FIG4: variants seen among roughly 807,000 people sequenced by gnomAD.
FIG4 encodes FIG4 phosphoinositide 5-phosphatase, also known as polyphosphoinositide phosphatase.
Under a neutral mutation model 118.6 loss-of-function variants are expected in FIG4, and 112 were observed. That is an observed-to-expected ratio of 0.94 (90% CI 0.81 to 1.11). The LOEUF is 1.11. Among genes scored for constraint, FIG4 ranks in the 50% least tolerant of loss-of-function variants. The pLI, the probability that FIG4 is intolerant of heterozygous loss-of-function variation, is 0.00. For synonymous variants in FIG4, 369 were observed against 381.2 expected, an observed-to-expected ratio of 0.97 and a Z score of 0.37; for missense variants, 969 against 1,111.7, an observed-to-expected ratio of 0.87 and a Z score of 1.83.
intron 7 of FIG4, 62 bp downstream of exon 7, chr6:109,738,515 GA>G: frequency 1.4e-6 from 2 of 1,443,710 alleles, no homozygotes; most frequent in Middle Eastern, 1.9e-4. Flanking sequence ...TCAATTTGTA[GA>G]CAGCTACATA....
At chr6:109,728,951 A>T (rs921830664) in intron 4 of FIG4, among the ~76,000 whole-genome samples, 1 of 152,158 alleles carries the variant, frequency 6.6e-6, no homozygotes, top group Non-Finnish European at 1.5e-5. Flanking sequence ...GAGTAATAAC[A>T]TGTAAATGGA....
chr6:109,817,724 G>A (rs1452650790), intron 22 of FIG4, among the ~76,000 whole-genome samples: 2 of 152,140 alleles, frequency 1.3e-5, no homozygotes, highest in Non-Finnish European at 2.9e-5. Context: ...ACATACATGT[G>A]CTCAGCTGCT....
At chr6:109,792,516 A>G in intron 20 of FIG4, 66 bp from the exon 21 acceptor site, 1 of 935,800 alleles carries the variant, frequency 1.1e-6, no homozygotes, top group South Asian at 1.4e-5. Context: ...TTTTTTGGGG[A>G]AATTATTGAT....
chr6:109,712,561 A>T (rs929598487), intron 1 of FIG4, among the ~76,000 whole-genome samples: 4 of 152,058 alleles, frequency 2.6e-5, no homozygotes, highest in African/African-American at 9.7e-5. Flanking sequence ...TTACATTATG[A>T]AATTCTTGTA....
intron 16 of FIG4, among the ~76,000 whole-genome samples, chr6:109,781,524 C>T (rs1777801871): frequency 6.6e-6 from 1 of 151,954 alleles, no homozygotes; most frequent in African/African-American, 2.4e-5. Context: ...GACCATCACT[C>T]CCCTTGTCCT....
chr6:109,703,121 T>C (rs1774955967), intron 1 of FIG4, among the ~76,000 whole-genome samples: 1 of 151,908 alleles, frequency 6.6e-6, no homozygotes, highest in Non-Finnish European at 1.5e-5. Context: ...AGCCCATGAG[T>C]ATCTAAAAAT....
intron 1 of FIG4, among the ~76,000 whole-genome samples, chr6:109,701,017 G>A (rs1379627174): frequency 6.6e-6 from 1 of 152,184 alleles, no homozygotes; most frequent in African/African-American, 2.4e-5. Context: ...AGAGCCAGTG[G>A]ACAAGATGGG....
In FIG4 at chr6:109,732,621, G is replaced by T. The variant is rs200890189; in HGVS notation, c.447-16G>T. 6,899 of 1,015,068 alleles carry T rather than the reference G, an allele frequency of 6.8e-3. 33 individuals carry two copies. The highest frequency in any genetic ancestry group is 8.3e-3 in the Non-Finnish European group (5,624 of 673,722). 62.9% of individuals were successfully genotyped at this position (1,015,068 alleles called of 1,614,324 possible). ...GTATTGGACAAATGAAATGTACTTTGTTTTTTTTTTTTTAGGTATCTACGA... is the reference window on the plus strand; with the variant it reads ...GTATTGGACAAATGAAATGTACTTTTTTTTTTTTTTTTTAGGTATCTACGA... On this transcript the variant is annotated splice_polypyrimidine_tract_variant and intron_variant, in intron 4 of 22. Coordinates refer to ENST00000230124, the MANE Select transcript of FIG4 (RefSeq NM_014845.6).
chr6:109,692,921 A>G (rs912875650), intron 1 of FIG4, among the ~76,000 whole-genome samples: 5 of 152,160 alleles, frequency 3.3e-5, no homozygotes, highest in African/African-American at 1.2e-4. Context: ...AGGCTGGTCT[A>G]AAACTCCTGG....
chr6:109,770,502 T>C (rs2128393432), intron 15 of FIG4, among the ~76,000 whole-genome samples: 1 of 152,254 alleles, frequency 6.6e-6, no homozygotes, highest in African/African-American at 2.4e-5. Flanking sequence ...TGTTAGGTTG[T>C]TTTTGCGTTG....
chr6:109,797,240 T>G (rs1778313879), intron 22 of FIG4, among the ~76,000 whole-genome samples: 1 of 152,214 alleles, frequency 6.6e-6, no homozygotes, highest in African/African-American at 2.4e-5. Flanking sequence ...TTCTAATAAC[T>G]TGCTGTAAGT....
intron 16 of FIG4, among the ~76,000 whole-genome samples, chr6:109,784,528 T>C (rs1031693250): frequency 1.3e-5 from 2 of 152,222 alleles, no homozygotes; most frequent in Non-Finnish European, 2.9e-5. Flanking sequence ...GCAGAGTAGA[T>C]TCTAACTATC....
At chr6:109,700,096 G>A (rs551868215) in intron 1 of FIG4, among the ~76,000 whole-genome samples, 1 of 152,166 alleles carries the variant, frequency 6.6e-6, no homozygotes, top group African/African-American at 2.4e-5. Flanking sequence ...ATTGCATTAA[G>A]GATTAGGTTT....
chr6:109,754,756 A>C (rs1044003419), intron 10 of FIG4, among the ~76,000 whole-genome samples: 1 of 152,082 alleles, frequency 6.6e-6, no homozygotes, highest in Non-Finnish European at 1.5e-5. Context: ...CTCTGATGGT[A>C]GTTTGTATTT....
chr6:109,716,652 G>A, intron 3 of FIG4, 84 bp downstream of exon 3: 1 of 1,466,028 alleles, frequency 6.8e-7, no homozygotes. Context: ...AGTTTATAAG[G>A]CTATAAGGCT....
At chr6:109,713,382 G>A (rs1775328810) in intron 1 of FIG4, among the ~76,000 whole-genome samples, 1 of 152,160 alleles carries the variant, frequency 6.6e-6, no homozygotes, top group Admixed American at 6.5e-5. Context: ...CAGGGGCAGG[G>A]CACTGGTAGG....
chr6:109,785,958 G>A, intron 17 of FIG4: 1 of 319,978 alleles, frequency 3.1e-6, no homozygotes, highest in Non-Finnish European at 6.0e-6. Flanking sequence ...GAAACTTAGG[G>A]AAAAAGCTGT....
At chr6:109,785,992 G>A (rs1186816142) in intron 17 of FIG4, 6 of 366,622 alleles carry the variant, frequency 1.6e-5, no homozygotes, top group South Asian at 1.4e-4. Flanking sequence ...AAAACACAAA[G>A]GGCATTTATT....
intron 22 of FIG4, among the ~76,000 whole-genome samples, chr6:109,801,555 T>A (rs527793031): frequency 2.2e-4 from 33 of 152,054 alleles, no homozygotes; most frequent in Non-Finnish European, 3.7e-4. Flanking sequence ...CTCAAAAAAA[T>A]AATAATAATA....
Sources: allele counts gnomAD v4.1 joint callset (sites outside exome capture counted in the v4.1 genomes callset), GRCh38; gene constraint gnomAD v4.1.1; transcripts MANE v1.5; gene names NCBI Gene and HGNC (gene_info 2026-07-23, HGNC 2026-07-21).